Variants in MBD2 observed in about 807,000 individuals in gnomAD.
MBD2 encodes methyl-CpG-binding domain protein 2.
MBD2 carries 9 observed loss-of-function variants against 39.3 expected under a neutral mutation model. That is an observed-to-expected ratio of 0.23 (90% confidence interval 0.14 to 0.40). MBD2 has a LOEUF of 0.40. MBD2 is among the 10% of genes least tolerant of loss of function. The pLI, the probability that MBD2 is intolerant of heterozygous loss-of-function variation, is 1.00. For synonymous variants in MBD2, 233 were observed against 211.1 expected, an observed-to-expected ratio of 1.10 and a Z score of -0.90; for missense variants, 458 against 532.6, an observed-to-expected ratio of 0.86 and a Z score of 1.38.
intron 2 of MBD2, among the ~76,000 whole-genome samples, chr18:54,196,320 A>C (rs997011323): frequency 1.3e-5 from 2 of 152,104 alleles, no homozygotes; most frequent in Non-Finnish European, 2.9e-5. Flanking sequence ...AAAGGACTAC[A>C]CCTGTTCACA....
At position 54,152,409 on chromosome 18, in the gene MBD2, G is replaced by A. The variant is rs2086027377; in HGVS notation, c.*2915C>T. On this transcript the variant is annotated 3_prime_UTR_variant, in exon 7 of 7. Transcript: ENST00000256429. ...GACAGACAAGCAGGGATCAGATCAAGAAGAGCCTTTTGACCATTCTTCCAT... is the reference window on the plus strand; with the variant it reads ...GACAGACAAGCAGGGATCAGATCAAAAAGAGCCTTTTGACCATTCTTCCAT... 6.6e-6 allele frequency: 1 copy of A among 152,272 alleles called. No individual in the cohort carries two copies. The allele number at this position is 152,272 out of a possible 1,614,324, so 9.4% of individuals were successfully genotyped here. A position where few individuals can be genotyped will look rare whatever the true frequency, so the allele number is the denominator to read the frequency against.
intron 3 of MBD2, among the ~76,000 whole-genome samples, chr18:54,186,925 GAAT>G (rs1285768897): frequency 6.6e-6 from 1 of 152,144 alleles, no homozygotes; most frequent in East Asian, 1.9e-4. Flanking sequence ...TTTCATTTGA[GAAT>G]AATCTCATAC....
chr18:54,194,278 C>A (rs1325853052), intron 2 of MBD2, among the ~76,000 whole-genome samples: 1 of 152,026 alleles, frequency 6.6e-6, no homozygotes, highest in African/African-American at 2.4e-5. Context: ...CCCACCATTA[C>A]CTACATTACC....
At chr18:54,197,244 T>A (rs1312507233) in intron 2 of MBD2, among the ~76,000 whole-genome samples, 2 of 152,332 alleles carry the variant, frequency 1.3e-5, no homozygotes, top group African/African-American at 4.8e-5. Flanking sequence ...TCTCTACATT[T>A]TCCACACACA....
chr18:54,173,265 A>G (rs1170675810), intron 3 of MBD2, among the ~76,000 whole-genome samples: 1 of 152,148 alleles, frequency 6.6e-6, no homozygotes, highest in African/African-American at 2.4e-5. Flanking sequence ...TACTGGCTAT[A>G]TAATTTACTG....
chr18:54,209,548 T>C (rs1342269693), intron 1 of MBD2, among the ~76,000 whole-genome samples: 4 of 152,210 alleles, frequency 2.6e-5, no homozygotes, highest in Non-Finnish European at 5.9e-5. Flanking sequence ...CTATCATATA[T>C]ACTGCTGCCT....
In MBD2 at chr18:54,224,560, C is replaced by G; in HGVS notation, c.-1G>C. ...GGCCTCCCCCCGGGTGCGCGCGCATCCAGCCCCCTCCCCAGCCGGCGCTGC... is the reference window on the plus strand; with the variant it reads ...GGCCTCCCCCCGGGTGCGCGCGCATGCAGCCCCCTCCCCAGCCGGCGCTGC... On this transcript the variant is annotated 5_prime_UTR_variant, in exon 1 of 7. Transcript: ENST00000256429. The G allele has an allele frequency of 8.2e-7, 1 of 1,224,688 alleles. No homozygotes were observed. Among genetic ancestry groups the G allele is most frequent in the Non-Finnish European group, 1.0e-6 (1 of 982,308 alleles). 75.9% of individuals were successfully genotyped at this position (1,224,688 alleles called of 1,614,324 possible).
At chr18:54,198,114 A>C (rs538325777) in intron 2 of MBD2, among the ~76,000 whole-genome samples, 1 of 152,364 alleles carries the variant, frequency 6.6e-6, no homozygotes, top group South Asian at 2.1e-4. Context: ...AGAAGCCAAG[A>C]GGCAGTTCTT....
chr18:54,218,872 C>G (rs917645367), intron 1 of MBD2, among the ~76,000 whole-genome samples: 10 of 150,416 alleles, frequency 6.6e-5, no homozygotes, highest in Non-Finnish European at 1.0e-4. Context: ...TGAGGTAGGA[C>G]AATCACTTGA....
At chr18:54,158,232 G>T (rs2086068533) in intron 6 of MBD2, among the ~76,000 whole-genome samples, 1 of 151,498 alleles carries the variant, frequency 6.6e-6, no homozygotes, top group Non-Finnish European at 1.5e-5. Context: ...CAACCACGTG[G>T]ATAATTTCTT....
At chr18:54,215,687 G>T (rs980624636) in intron 1 of MBD2, among the ~76,000 whole-genome samples, 1 of 151,712 alleles carries the variant, frequency 6.6e-6, no homozygotes, top group South Asian at 2.1e-4. Flanking sequence ...GTAAAGAAGG[G>T]GTTTCACCAT....
intron 1 of MBD2, among the ~76,000 whole-genome samples, chr18:54,217,476 A>G (rs192375444): frequency 3.3e-5 from 5 of 152,368 alleles, no homozygotes; most frequent in Admixed American, 2.6e-4. Flanking sequence ...AGATCAATAC[A>G]TAAGAGCTGT....
rs2144310595 is a variant in MBD2, at chr18:54,188,987, A to T, written c.727T>A (p.Leu243Met). 1 of 1,608,302 alleles carries T rather than the reference A, an allele frequency of 6.2e-7. No homozygotes were observed. The highest frequency in any genetic ancestry group is 8.5e-7 in the Non-Finnish European group (1 of 1,176,284). ...NKGKPDLNTTLPIRQTASIFK... is the reference protein window; with the variant it reads ...NKGKPDLNTTMPIRQTASIFK... ...ATTGATGCTGTTTGTCTAATTGGCA[A>T]TGTTGTATTCAAGTCTGGTTTACCC... Residue 243 changes from leucine (L) to methionine (M), a missense_variant, in exon 3 of 7, where the codon TTG becomes ATG. This residue lies in a region of MBD2 where 189 missense variants were observed against 296.6 expected (regional missense o/e 0.64). Transcript: ENST00000256429.
chr18:54,173,297 G>A (rs760611274), intron 3 of MBD2, among the ~76,000 whole-genome samples: 10 of 152,126 alleles, frequency 6.6e-5, no homozygotes, highest in Middle Eastern at 3.2e-3. Context: ...AATTAAAAAT[G>A]TGAGGCCTCT....
rs373813781 is a variant in MBD2 at position 54,200,893 on chromosome 18, T to C, written c.702+4105A>G. Among the ~76,000 whole-genome samples the C allele has an allele frequency of 5.3e-4, 80 of 151,854 alleles. 1 individual carries two copies. In the South Asian group the frequency reaches 0.014, roughly 26 times the overall value. On this transcript the variant is annotated intron_variant, in intron 2 of 6. Transcript: ENST00000256429. The stretch of plus-strand genomic sequence containing the variant: ...AGGAGATCGAGACCATCCTGGCTAA[T>C]GCTGTGAAACCCCATCTCTACTAAG...
chr18:54,214,233 T>C (rs1265105351), intron 1 of MBD2, among the ~76,000 whole-genome samples: 1 of 151,922 alleles, frequency 6.6e-6, no homozygotes, highest in African/African-American at 2.4e-5. Context: ...TCTCACTCTG[T>C]TGCCCAGGTT....
In MBD2 at chr18:54,209,327, T is replaced by TA. The variant is rs1453804394; in HGVS notation, c.543-4171dup. ...AAAAAAAAAAAAAAAAAAAGGAAGG[T>TA]ATTTATTATAAACAAAAAGGCTAGA... On this transcript the variant is annotated intron_variant, in intron 1 of 6. Coordinates refer to ENST00000256429, the MANE Select transcript of MBD2 (RefSeq NM_003927.5). Among the ~76,000 whole-genome samples the TA allele has an allele frequency of 4.9e-5, 7 of 143,816 alleles. No individual in the cohort carries two copies. The East Asian group carries it at 1.4e-3, about 29-fold the overall frequency. 94.3% of individuals were successfully genotyped at this position (143,816 alleles called of 152,430 possible).
chr18:54,188,781 C>T, intron 3 of MBD2, 93 bp downstream of exon 3: 1 of 1,327,800 alleles, frequency 7.5e-7, no homozygotes, highest in Non-Finnish European at 1.0e-6. Flanking sequence ...TCCAAATATA[C>T]TCCATTTTAA....
At chr18:54,187,850 A>C (rs2086294962) in intron 3 of MBD2, 1 of 985,712 alleles carries the variant, frequency 1.0e-6, no homozygotes, top group Non-Finnish European at 1.2e-6. Context: ...GAAGAGGAAA[A>C]AACACTACAG....
Sources: gnomAD v4.1 joint callset for allele counts (sites outside exome capture counted in the v4.1 genomes callset) on GRCh38, gnomAD v4.1.1 for gene constraint, gnomAD v4.1.1 regional missense constraint, MANE v1.5 for transcripts, NCBI Gene and HGNC (gene_info 2026-07-23, HGNC 2026-07-21) for gene names.